Variants in CTNNA2 observed in about 807,000 individuals in gnomAD.
The protein encoded by CTNNA2 is catenin alpha 2.
A neutral mutation model predicts 101.0 loss-of-function variants in CTNNA2; 42 were observed. That is an observed-to-expected ratio of 0.42 (90% CI 0.32 to 0.54). CTNNA2 has a LOEUF of 0.54. Among genes scored for constraint, CTNNA2 ranks in the 20% least tolerant of loss-of-function variants. The probability of loss-of-function intolerance (pLI) is 0.14; values close to 1 mark genes in which losing one functional copy is unlikely to be tolerated. For synonymous variants in CTNNA2, 450 were observed against 456.4 expected (o/e 0.99, Z 0.18); for missense variants, 871 against 1,223.1 (o/e 0.71, Z 4.29).
intron 7 of CTNNA2, among the ~76,000 whole-genome samples, chr2:80,026,976 A>T (rs1182192418): frequency 2.0e-5 from 3 of 152,202 alleles, no homozygotes; most frequent in Non-Finnish European, 4.4e-5. Flanking sequence ...CAGCATTTAC[A>T]TTGTGCTGTG....
chr2:79,767,590 C>A lies in CTNNA2; in HGVS notation c.298+23008C>A, dbSNP rs912288647. 3.9e-5 allele frequency among the ~76,000 whole-genome samples: 6 copies of A among 152,078 alleles called. No homozygotes were observed. The East Asian group carries it at 1.2e-3, about 30-fold the overall frequency. ...AAGCCCAGTAATGCTGTGATTCTCA[C>A]AGACATGTAGAGGTACTGCCTCGAT... On this transcript the variant is annotated intron_variant, in intron 3 of 18. Transcript: ENST00000402739.
intron 8 of CTNNA2, among the ~76,000 whole-genome samples, chr2:80,407,816 T>C (rs989152376): frequency 3.9e-5 from 6 of 152,098 alleles, no homozygotes; most frequent in African/African-American, 1.4e-4. Flanking sequence ...TCAGCAGCTG[T>C]TGGAAATGCA....
In CTNNA2 at chr2:79,227,262, G is replaced by A. The variant is rs531245814; in HGVS notation, c.-406+29186G>A. On this transcript the variant is annotated intron_variant, in intron 2 of 21. Coordinates refer to the CTNNA2 transcript ENST00000466387. ...TTAATCTGGGCATGCAAACATCATG[G>A]GTCAACGTATGCAATGAACCCAGGG... Among the ~76,000 whole-genome samples the A allele has an allele frequency of 1.2e-4, 19 of 152,190 alleles. No individual in the cohort carries two copies. The South Asian group carries it at 3.9e-3, about 32-fold the overall frequency.
chr2:80,436,738 C>G (rs940340070), intron 9 of CTNNA2, among the ~76,000 whole-genome samples: 1 of 152,134 alleles, frequency 6.6e-6, no homozygotes, highest in Non-Finnish European at 1.5e-5. Flanking sequence ...TTGCTGTCTC[C>G]TCATATGATG....
intron 3 of CTNNA2, among the ~76,000 whole-genome samples, chr2:79,772,885 T>C (rs767610738): frequency 2.0e-5 from 3 of 152,228 alleles, no homozygotes; most frequent in Non-Finnish European, 4.4e-5. Flanking sequence ...TCATCAGTAA[T>C]ATTAAAATGA....
chr2:80,496,675 A>ATT (rs1316471707), intron 9 of CTNNA2, among the ~76,000 whole-genome samples: 3 of 152,078 alleles, frequency 2.0e-5, no homozygotes, highest in Non-Finnish European at 2.9e-5. Flanking sequence ...AACTACTGTA[A>ATT]TTTTATTCTT....
In CTNNA2 at chr2:79,377,241, A is replaced by G. The variant is rs115624224; in HGVS notation, c.-135+3228A>G. 4.2e-3 allele frequency among the ~76,000 whole-genome samples: 642 copies of G among 152,264 alleles called. 5 individuals carry two copies. The highest frequency in any genetic ancestry group is 0.015 in the African/African-American group (613 of 41,554). ...ATATAAAGTATCAGGGCCAGTAGTG[A>G]TGATATGCTGATCTTCATACAAGGA... On this transcript the variant is annotated intron_variant, in intron 4 of 21. Coordinates refer to the CTNNA2 transcript ENST00000466387.
At position 80,047,572 on chromosome 2, in the gene CTNNA2, A is replaced by T. The variant is rs997014165; in HGVS notation, c.1056+137775A>T. On this transcript the variant is annotated intron_variant, in intron 7 of 18. Transcript: ENST00000402739. ...CCCCTCCTTGGATATTCTCCAGTGT[A>T]TGCAGGAAGAGAGCAGCCTACATGG... Among the ~76,000 whole-genome samples, 6 of 152,304 alleles carry T rather than the reference A, an allele frequency of 3.9e-5. No homozygotes were observed. The Middle Eastern group carries it at 0.01, about 259-fold the overall frequency.
At position 79,367,007 on chromosome 2, in the gene CTNNA2, A is replaced by G. The variant is rs1040799019; in HGVS notation, c.-317-6824A>G. Among the ~76,000 whole-genome samples the G allele has an allele frequency of 4.6e-5, 7 of 152,310 alleles. No individual in the cohort carries two copies. The East Asian group carries it at 1.4e-3, about 29-fold the overall frequency. On this transcript the variant is annotated intron_variant, in intron 3 of 21. Transcript: ENST00000466387. Reference sequence around the variant, plus strand: ...TTCATATGTTTAAACCCTAATCTCCAATGTATGTGATGGTATTTGGAGATG... The same window carrying G: ...TTCATATGTTTAAACCCTAATCTCCGATGTATGTGATGGTATTTGGAGATG...
At chr2:79,725,389 C>T (rs1423346082) in intron 2 of CTNNA2, among the ~76,000 whole-genome samples, 1 of 152,170 alleles carries the variant, frequency 6.6e-6, no homozygotes, top group African/African-American at 2.4e-5. Flanking sequence ...TTGTTCAAGA[C>T]AGTTGTGCAA....
chr2:80,268,946 A>G (rs985841368), intron 7 of CTNNA2, among the ~76,000 whole-genome samples: 9 of 152,080 alleles, frequency 5.9e-5, no homozygotes, highest in African/African-American at 2.2e-4. Context: ...CTTTTCAAAA[A>G]CCTCTTAAAA....
intron 6 of CTNNA2, among the ~76,000 whole-genome samples, chr2:79,885,487 G>A (rs1683789709): frequency 6.6e-6 from 1 of 152,200 alleles, no homozygotes; most frequent in Non-Finnish European, 1.5e-5. Context: ...GGAAGGATAA[G>A]TGTCTCCTGG....
intron 4 of CTNNA2, among the ~76,000 whole-genome samples, chr2:79,398,503 T>C (rs532419480): frequency 6.6e-6 from 1 of 152,220 alleles, no homozygotes; most frequent in Admixed American, 6.5e-5. Context: ...AACAAATTTT[T>C]AGCTACTTTT....
At chr2:79,497,811 A>G (rs1019007005) in intron 4 of CTNNA2, among the ~76,000 whole-genome samples, 3 of 152,234 alleles carry the variant, frequency 2.0e-5, no homozygotes, top group African/African-American at 7.2e-5. Context: ...GCATTTGTAT[A>G]TCATGCAATT....
rs773948318 is a variant in CTNNA2, at chr2:79,907,760, C to T, written c.853-1834C>T. Among the ~76,000 whole-genome samples, 3 of 152,350 alleles carry T rather than the reference C, an allele frequency of 2.0e-5. No homozygotes were observed. In the East Asian group the frequency reaches 5.8e-4, roughly 29 times the overall value. On this transcript the variant is annotated intron_variant, in intron 6 of 18. Transcript: ENST00000402739. Reference sequence around the variant, plus strand: ...AGCTGGCACAGAATAGCTGTCTTATCTGCAAGATTTCATGCACTGCTTTCT... The same window carrying T: ...AGCTGGCACAGAATAGCTGTCTTATTTGCAAGATTTCATGCACTGCTTTCT...
intron 2 of CTNNA2, among the ~76,000 whole-genome samples, chr2:79,273,443 T>C (rs1473401407): frequency 6.6e-6 from 1 of 152,128 alleles, no homozygotes; most frequent in South Asian, 2.1e-4. Flanking sequence ...TCTAGTATAT[T>C]GACTTTGGAA....
intron 7 of CTNNA2, among the ~76,000 whole-genome samples, chr2:80,118,920 A>C (rs1180837073): frequency 6.6e-6 from 1 of 152,046 alleles, no homozygotes; most frequent in Non-Finnish European, 1.5e-5. Flanking sequence ...CATCCATCTC[A>C]CCTATCTCTT....
intron 9 of CTNNA2, among the ~76,000 whole-genome samples, chr2:80,487,782 G>A (rs538121770): frequency 3.3e-5 from 5 of 152,162 alleles, no homozygotes; most frequent in Non-Finnish European, 5.9e-5. Flanking sequence ...TCCATGCATT[G>A]TATGATTTAA....
At chr2:80,044,373 C>T in intron 7 of CTNNA2, among the ~76,000 whole-genome samples, 1 of 66,340 alleles carries the variant, frequency 1.5e-5, no homozygotes, top group Admixed American at 2.0e-4. Flanking sequence ...GATGCAAATG[C>T]CACATTTGTA....
Sources: gnomAD v4.1 joint callset for allele counts (sites outside exome capture counted in the v4.1 genomes callset) on GRCh38, gnomAD v4.1.1 for gene constraint, MANE v1.5 for transcripts, NCBI Gene and HGNC (gene_info 2026-07-23, HGNC 2026-07-21) for gene names.